Variants in UBASH3A observed in about 807,000 individuals in gnomAD.
The protein encoded by UBASH3A is ubiquitin-associated and SH3 domain-containing protein A.
In UBASH3A, 63 loss-of-function variants were observed where a neutral mutation model predicts 73.5. The observed-to-expected ratio is 0.86, with a 90% CI of 0.70 to 1.06. The LOEUF (loss-of-function observed/expected upper bound fraction) is 1.06. UBASH3A is among the 50% of genes least tolerant of loss of function. The pLI is 0.00. For missense variants in UBASH3A, 860 were observed against 859.0 expected, an observed-to-expected ratio of 1.00 and a Z score of -0.02; for synonymous variants, 363 against 351.1, an observed-to-expected ratio of 1.03 and a Z score of -0.38.
At chr21:42,407,818 T>C (rs2053008389) in intron 2 of UBASH3A, among the ~76,000 whole-genome samples, 1 of 152,196 alleles carries the variant, frequency 6.6e-6, no homozygotes, top group Non-Finnish European at 1.5e-5. Context: ...GATTGCAGGG[T>C]TATGAAATGG....
At chr21:42,422,790 G>A (rs1353470393) in intron 7 of UBASH3A, among the ~76,000 whole-genome samples, 2 of 152,274 alleles carry the variant, frequency 1.3e-5, no homozygotes, top group East Asian at 3.9e-4. Flanking sequence ...GGGGGAAGGG[G>A]AGAGAAACAC....
chr21:42,437,988 C>T (rs557553947), intron 11 of UBASH3A, among the ~76,000 whole-genome samples: 3 of 152,212 alleles, frequency 2.0e-5, no homozygotes, highest in African/African-American at 2.4e-5. Context: ...AGCTGTCCAG[C>T]GTCCTCAAGG....
At chr21:42,444,869 C>CT (rs897224031) in intron 14 of UBASH3A, among the ~76,000 whole-genome samples, 73 of 152,240 alleles carry the variant, frequency 4.8e-4, no homozygotes, top group Middle Eastern at 3.4e-3. Context: ...CACTTGCCAA[C>CT]TTTTTACCAG....
intron 11 of UBASH3A, 82 bp from the exon 12 acceptor site, chr21:42,442,370 C>T: frequency 1.4e-6 from 2 of 1,412,538 alleles, no homozygotes; most frequent in South Asian, 1.3e-5. Context: ...GTGTGACGGT[C>T]TGAGATCTAA....
At chr21:42,433,679 C>A (rs1390589205) in intron 9 of UBASH3A, among the ~76,000 whole-genome samples, 1 of 152,202 alleles carries the variant, frequency 6.6e-6, no homozygotes, top group African/African-American at 2.4e-5. Context: ...CTAATGTTGG[C>A]ATTGAATAAA....
chr21:42,407,744 C>T (rs1341445091), intron 2 of UBASH3A, among the ~76,000 whole-genome samples: 2 of 152,204 alleles, frequency 1.3e-5, no homozygotes, highest in African/African-American at 4.8e-5. Flanking sequence ...CAGCCTCCGT[C>T]GTGCGTCTAA....
chr21:42,428,140 C>T (rs1435976239), intron 8 of UBASH3A, among the ~76,000 whole-genome samples: 1 of 152,130 alleles, frequency 6.6e-6, no homozygotes, highest in African/African-American at 2.4e-5. Flanking sequence ...CAGAGAGAGG[C>T]CTCAAAAGGA....
rs751725409 is a variant in UBASH3A at position 42,447,072 on chromosome 21, A to G, written c.1864A>G (p.Met622Val). The G allele has an allele frequency of 6.2e-7, 1 of 1,613,820 alleles. No individual in the cohort carries two copies. Among genetic ancestry groups the G allele is most frequent in the Non-Finnish European group, 8.5e-7 (1 of 1,179,942 alleles). Residue 622 changes from methionine to valine, a missense_variant, in exon 15 of 15, where the codon ATG becomes GTG. Transcript: ENST00000319294. ...QLVRKIPSLG[M>V]CFCEENKEEG... ...TCTGTTCCAGATCCCTTCCCTGGGCATGTGCTTCTGTGAAGAAAATAAAGA... is the reference window on the plus strand; with the variant it reads ...TCTGTTCCAGATCCCTTCCCTGGGCGTGTGCTTCTGTGAAGAAAATAAAGA...
chr21:42,437,449 T>G (rs1050451726), intron 10 of UBASH3A, 39 bp from the exon 11 acceptor site: 4 of 1,582,530 alleles, frequency 2.5e-6, no homozygotes, highest in South Asian at 1.1e-5. Context: ...AGGCTAGAAT[T>G]ATGAAGGGGC....
chr21:42,438,887 G>A (rs2053677240), intron 11 of UBASH3A, among the ~76,000 whole-genome samples: 1 of 152,068 alleles, frequency 6.6e-6, no homozygotes, highest in African/African-American at 2.4e-5. Context: ...GGAATGGAGG[G>A]GCCATGGAGG....
chr21:42,428,244 C>A (rs544443720), intron 8 of UBASH3A, among the ~76,000 whole-genome samples: 1 of 152,206 alleles, frequency 6.6e-6, no homozygotes, highest in African/African-American at 2.4e-5. Context: ...TCAACCCACA[C>A]GCAGCGTCCC....
At chr21:42,410,135 GA>G (rs376818643) in intron 3 of UBASH3A, 3 of 701,792 alleles carry the variant, frequency 4.3e-6, no homozygotes, top group South Asian at 1.5e-5. Context: ...GTCTGATTCA[GA>G]AAAAAAATGG....
At chr21:42,435,250 C>A (rs1400659581) in intron 10 of UBASH3A, 7 of 222,564 alleles carry the variant, frequency 3.1e-5, no homozygotes, top group Non-Finnish European at 6.1e-5. Flanking sequence ...AACCAAGGAG[C>A]TCCAAGGAGC....
chr21:42,418,040 T>A (rs1236236691), intron 6 of UBASH3A, among the ~76,000 whole-genome samples: 1 of 151,840 alleles, frequency 6.6e-6, no homozygotes, highest in Non-Finnish European at 1.5e-5. Context: ...CCCGCCACCA[T>A]GTCCAGCTAA....
Position 42,413,847 on chromosome 21 carries a change from G to A in UBASH3A, c.667+324G>A, listed in dbSNP as rs1294106397. Among the ~76,000 whole-genome samples, 2 of 152,146 alleles carry A rather than the reference G, an allele frequency of 1.3e-5. No homozygotes were observed. The highest frequency in any genetic ancestry group is 1.3e-4 in the Admixed American group (2 of 15,286). Reference sequence around the variant, plus strand: ...GAAAGATTATTTAGACTCATATTCAGAATCATCAAAATTCCCTTCTCTCCA... The same window carrying A: ...GAAAGATTATTTAGACTCATATTCAAAATCATCAAAATTCCCTTCTCTCCA... On this transcript the variant is annotated intron_variant, in intron 5 of 14. Transcript: ENST00000319294. The surrounding 1 kb of genome is among the most constrained non-coding windows in gnomAD (Gnocchi z 4.5).
chr21:42,444,541 C>T lies in UBASH3A; in HGVS notation c.1746C>T (p.Val582=). The change falls in exon 14 of 15, where the codon GTC becomes GTT. Residue 582 remains valine, a synonymous_variant. Coordinates refer to ENST00000319294, the MANE Select transcript of UBASH3A (RefSeq NM_018961.4). ...IVNTCPQDTG[V]ILIVSHGSTL... is the part of the protein sequence containing the mutation. ...TGTTCTTGTTTTCCACAGCGGGTGTCATCCTAATTGTGAGTCACGGCTCCA... is the reference window on the plus strand; with the variant it reads ...TGTTCTTGTTTTCCACAGCGGGTGTTATCCTAATTGTGAGTCACGGCTCCA... 6.2e-7 allele frequency: 1 copy of T among 1,612,736 alleles called. No homozygotes were observed. Among genetic ancestry groups the T allele is most frequent in the Non-Finnish European group, 8.5e-7 (1 of 1,179,722 alleles).
At chr21:42,443,209 G>C (rs1036232756) in intron 12 of UBASH3A, 103 bp from the exon 13 acceptor site, 1 of 1,443,998 alleles carries the variant, frequency 6.9e-7, no homozygotes, top group Non-Finnish European at 9.2e-7. Flanking sequence ...TTGAGGCAGA[G>C]CCATCCTGGA....
chr21:42,430,750 A>G (rs1421657394), intron 8 of UBASH3A, among the ~76,000 whole-genome samples: 3 of 152,154 alleles, frequency 2.0e-5, no homozygotes, highest in African/African-American at 7.2e-5. Context: ...TAAAGCAGGG[A>G]TGCTGTGGAC....
chr21:42,417,216 T>C (rs1193679413), intron 6 of UBASH3A, among the ~76,000 whole-genome samples: 1 of 151,698 alleles, frequency 6.6e-6, no homozygotes, highest in Non-Finnish European at 1.5e-5. Flanking sequence ...TCAGGTCAGG[T>C]GTTCGAGACC....
Sources: gnomAD v4.1 joint callset for allele counts (sites outside exome capture counted in the v4.1 genomes callset) on GRCh38, gnomAD v4.1.1 for gene constraint, Gnocchi (gnomAD v3.1) non-coding constraint, MANE v1.5 for transcripts, NCBI Gene and HGNC (gene_info 2026-07-23, HGNC 2026-07-21) for gene names.